The following GDPD1 variants were observed in gnomAD, a reference collection of about 807,000 sequenced individuals.
GDPD1 encodes the protein glycerophosphodiester phosphodiesterase domain containing 1, also known as lysophospholipase D GDPD1.
In GDPD1, 28 loss-of-function variants were observed where a neutral mutation model predicts 45.1. That is an observed-to-expected ratio of 0.62 (90% CI 0.46 to 0.85). The LOEUF (loss-of-function observed/expected upper bound fraction) is 0.85. Ranked by LOEUF, GDPD1 falls within the 40% of genes least tolerant of loss-of-function variation. The pLI, the probability that GDPD1 is intolerant of heterozygous loss-of-function variation, is 0.00. For synonymous variants in GDPD1, 139 were observed against 131.4 expected (o/e 1.06, Z -0.40); for missense variants, 256 against 364.8 (o/e 0.70, Z 2.43).
chr17:59,260,924 A>G (rs1299149431), intron 6 of GDPD1: 1 of 152,212 alleles, frequency 6.6e-6, no homozygotes, highest in African/African-American at 2.4e-5. Flanking sequence ...ATGCACAGTC[A>G]GCATCATCAC....
At chr17:59,233,178 T>C (rs556645895) in intron 1 of GDPD1, among the ~76,000 whole-genome samples, 4 of 152,002 alleles carry the variant, frequency 2.6e-5, no homozygotes, top group African/African-American at 4.8e-5. Context: ...ATCATGCCAC[T>C]GCACTTCAGC....
rs2047320720 is a variant in GDPD1 at position 59,257,793 on chromosome 17, G to C, written c.529G>C (p.Val177Leu). ...GCGGTATAATCGAGAACACTTAACA[G>C]TGTGGGGTAATGCCAATTATGAAAT... ...VKRYNREHLT[V>L]WGNANYEIVE... Residue 177 changes from valine (V) to leucine (L), a missense_variant, in exon 6 of 10, where the codon GTG becomes CTG. Val to Leu is a conservative substitution (Grantham distance 32, BLOSUM62 1). Coordinates refer to ENST00000284116, the MANE Select transcript of GDPD1 (RefSeq NM_182569.4). 1 of 1,607,280 alleles carries C rather than the reference G, an allele frequency of 6.2e-7. No homozygotes were observed. Among genetic ancestry groups the C allele is most frequent in the Non-Finnish European group, 8.5e-7 (1 of 1,177,282 alleles).
Position 59,273,773 on chromosome 17 carries a change from G to A in GDPD1, c.945G>A (p.Ter315=). ...LRDFLHNFSA[*] is the part of the protein sequence containing the mutation. ...ATTTTTTACATAACTTTTCAGCATAGAAAAAGAGGTACTTAGAAGTATTGA... is the reference window on the plus strand; with the variant it reads ...ATTTTTTACATAACTTTTCAGCATAAAAAAAGAGGTACTTAGAAGTATTGA... Residue 315 remains the stop codon, a stop_retained_variant, in exon 10 of 10, where the codon TAG becomes TAA. Coordinates refer to ENST00000284116, the MANE Select transcript of GDPD1 (RefSeq NM_182569.4). 6.4e-7 allele frequency: 1 copy of A among 1,558,420 alleles called. No homozygotes were observed. Among genetic ancestry groups the A allele is most frequent in the Non-Finnish European group, 8.7e-7 (1 of 1,155,892 alleles).
rs1234073531 is a variant in GDPD1, at chr17:59,266,673, A to G, written c.577-368A>G. On this transcript the variant is annotated intron_variant, in intron 6 of 9. Transcript: ENST00000284116. ...AGATATATAGCTACATATTTTTTAA[A>G]CAGGAGTAAAGTTACTGAATATTCC... 2.0e-5 allele frequency among the ~76,000 whole-genome samples: 3 copies of G among 152,158 alleles called. No homozygotes were observed. The East Asian group carries it at 5.8e-4, about 29-fold the overall frequency.
chr17:59,270,607 A>G (rs1389012614), intron 7 of GDPD1, among the ~76,000 whole-genome samples: 1 of 152,202 alleles, frequency 6.6e-6, no homozygotes, highest in Non-Finnish European at 1.5e-5. Context: ...GTAGGAGACA[A>G]AGCAGGAGAA....
At chr17:59,248,304 T>C (rs1204762265) in intron 3 of GDPD1, among the ~76,000 whole-genome samples, 1 of 151,424 alleles carries the variant, frequency 6.6e-6, no homozygotes, top group Non-Finnish European at 1.5e-5. Flanking sequence ...GTCTCAAATA[T>C]AAAATAAAAT....
At position 59,275,591 on chromosome 17, in the gene GDPD1, A is replaced by G. The variant is rs1213520998; in HGVS notation, c.*1818A>G. 1 of 169,284 alleles carries G rather than the reference A, an allele frequency of 5.9e-6. No homozygotes were observed. Among genetic ancestry groups the G allele is most frequent in the African/African-American group, 2.4e-5 (1 of 41,842 alleles). The allele number at this position is 169,284 out of a possible 1,614,324, so 10.5% of individuals were successfully genotyped here. ...TTAAATACCATCTTGAATCCTAATA[A>G]TTAAACTGATGAAAGTGCATATCAT... On this transcript the variant is annotated 3_prime_UTR_variant, in exon 10 of 10. Coordinates refer to ENST00000284116, the MANE Select transcript of GDPD1 (RefSeq NM_182569.4).
intron 1 of GDPD1, among the ~76,000 whole-genome samples, chr17:59,227,377 C>A (rs1359490593): frequency 6.6e-6 from 1 of 151,692 alleles, no homozygotes; most frequent in Non-Finnish European, 1.5e-5. Flanking sequence ...TGAGATTGCA[C>A]CACTGCACTC....
In GDPD1 at chr17:59,234,541, A is replaced by G; in HGVS notation, c.185+7A>G. 6.3e-7 allele frequency: 1 copy of G among 1,596,058 alleles called. No homozygotes were observed. The highest frequency in any genetic ancestry group is 8.6e-7 in the Non-Finnish European group (1 of 1,165,376). The stretch of plus-strand genomic sequence containing the variant: ...CAATGGCAGCCTTTCAGCAGTAAGT[A>G]TGTAAAAAAGGTAAAAGGTACTCTT... On this transcript the variant is annotated splice_region_variant and intron_variant, in intron 2 of 9. Transcript: ENST00000284116.
At chr17:59,221,009 G>A (rs2046999838) in intron 1 of GDPD1, among the ~76,000 whole-genome samples, 1 of 152,088 alleles carries the variant, frequency 6.6e-6, no homozygotes, top group East Asian at 1.9e-4. Flanking sequence ...AAACGGGAAA[G>A]ACACGGTCGA....
Position 59,257,148 on chromosome 17 carries a change from C to T in GDPD1, c.394C>T (p.Arg132Ter), listed in dbSNP as rs1311484688. ...RACQCEGKDN[R>*]IPLLKEVFEA... ...ATGCCAGTGTGAAGGAAAAGATAAC[C>T]GAATTCCATTACTGAAGGAAGTTTT... The change falls in exon 5 of 10, where the codon CGA becomes TGA. Residue 132 changes from arginine (R) to a stop codon, truncating the protein, a stop_gained. Transcript: ENST00000284116. LOFTEE classifies it high-confidence loss of function. The T allele has an allele frequency of 7.5e-6, 12 of 1,597,758 alleles. No homozygotes were observed. The highest frequency in any genetic ancestry group is 9.4e-6 in the Non-Finnish European group (11 of 1,170,670).
Position 59,255,815 on chromosome 17 carries a change from GTATATATATATACGCGTATATATATA to G in GDPD1, c.368-1296_368-1271del, listed in dbSNP as rs2047299517. Among the ~76,000 whole-genome samples, 5 of 49,180 alleles carry G rather than the reference GTATATATATATACGCGTATATATATA, an allele frequency of 1.0e-4. No homozygotes were observed. The Admixed American group carries it at 1.1e-3, about 11-fold the overall frequency. The allele number at this position is 49,180 out of a possible 152,430, so 32.3% of individuals were successfully genotyped here. ...TATATATGTATATATATATATACGC[GTATATATATATACGCGTATATATATA>G]TATATATATACACACGTATATATAT... On this transcript the variant is annotated intron_variant, in intron 4 of 9. Coordinates refer to ENST00000284116, the MANE Select transcript of GDPD1 (RefSeq NM_182569.4).
chr17:59,226,906 C>A (rs973637525), intron 1 of GDPD1, among the ~76,000 whole-genome samples: 4 of 150,886 alleles, frequency 2.7e-5, no homozygotes, highest in Non-Finnish European at 5.9e-5. Context: ...GTCTTGAACT[C>A]CTGACCTCAG....
At chr17:59,255,890 CACAT>C (rs1171440636) in intron 4 of GDPD1, among the ~76,000 whole-genome samples, 10 of 134,710 alleles carry the variant, frequency 7.4e-5, no homozygotes, top group South Asian at 4.7e-4. Context: ...CACACACACA[CACAT>C]ATATATATAT....
intron 8 of GDPD1, 141 bp from the exon 9 acceptor site, chr17:59,272,644 C>T (rs2047452498): frequency 3.3e-6 from 2 of 605,998 alleles, no homozygotes; most frequent in Non-Finnish European, 6.0e-6. Context: ...AATTAATTCA[C>T]AACAGCTATT....
chr17:59,270,042 TAGA>T (rs1293747348), intron 7 of GDPD1, among the ~76,000 whole-genome samples: 1 of 152,170 alleles, frequency 6.6e-6, no homozygotes, highest in Non-Finnish European at 1.5e-5. Context: ...AATACTTCTA[TAGA>T]AGACAATGGA....
intron 5 of GDPD1, 115 bp from the exon 6 acceptor site, chr17:59,257,636 C>A: frequency 1.5e-6 from 1 of 651,194 alleles, no homozygotes. Context: ...TTGATTCTTC[C>A]AAAAGTTATG....
At chr17:59,236,718 G>A (rs190905106) in intron 2 of GDPD1, among the ~76,000 whole-genome samples, 29 of 152,096 alleles carry the variant, frequency 1.9e-4, no homozygotes, top group African/African-American at 6.5e-4. Flanking sequence ...CTATGCTGGC[G>A]AGGCTGATCT....
intron 2 of GDPD1, among the ~76,000 whole-genome samples, chr17:59,245,183 T>G (rs1364506913): frequency 1.3e-5 from 2 of 152,186 alleles, no homozygotes; most frequent in Non-Finnish European, 2.9e-5. Flanking sequence ...GTCTATTATA[T>G]TCAGTTGAAG....
Sources: gnomAD v4.1 joint callset for allele counts (sites outside exome capture counted in the v4.1 genomes callset) on GRCh38, gnomAD v4.1.1 for gene constraint, MANE v1.5 for transcripts, NCBI Gene and HGNC (gene_info 2026-07-23, HGNC 2026-07-21) for gene names.